PLEKHG7: variants seen among roughly 807,000 people sequenced by gnomAD.
The protein encoded by PLEKHG7 is pleckstrin homology domain-containing family G member 7.
In PLEKHG7, 77 loss-of-function variants were observed where a neutral mutation model predicts 85.2. That is an observed-to-expected ratio of 0.90 (90% CI 0.75 to 1.09). The LOEUF (loss-of-function observed/expected upper bound fraction) is 1.09, where lower values mean the gene tolerates loss of function less well. Among genes scored for constraint, PLEKHG7 ranks in the 50% least tolerant of loss-of-function variants. PLEKHG7 has a pLI of 0.00. For missense variants in PLEKHG7, 777 were observed against 804.3 expected (o/e 0.97, Z 0.41); for synonymous variants, 301 against 302.4 (o/e 1.00, Z 0.05).
At chr12:92,727,288 G>A (rs951594706) in intron 3 of PLEKHG7, among the ~76,000 whole-genome samples, 7 of 152,148 alleles carry the variant, frequency 4.6e-5, no homozygotes, top group Non-Finnish European at 1.0e-4. Flanking sequence ...AATTCAGAGA[G>A]TACATGTGCA....
chr12:92,707,767 G>T (rs1199451581), intron 3 of PLEKHG7, 95 bp downstream of exon 3: 1 of 1,587,466 alleles, frequency 6.3e-7, no homozygotes, highest in Admixed American at 1.7e-5. Context: ...AGCTGACGGT[G>T]TGTTAACCAG....
At chr12:92,752,944 G>A (rs1343906439) in intron 10 of PLEKHG7, among the ~76,000 whole-genome samples, 2 of 152,036 alleles carry the variant, frequency 1.3e-5, no homozygotes, top group African/African-American at 4.8e-5. Flanking sequence ...AGAGCTCTCC[G>A]GGACCCCTTT....
At position 92,721,351 on chromosome 12, in the gene PLEKHG7, A is replaced by T. The variant is rs1026161578; in HGVS notation, c.531-7642A>T. 6 of 683,806 alleles carry T rather than the reference A, an allele frequency of 8.8e-6. No homozygotes were observed. The South Asian group carries it at 2.2e-4, about 25-fold the overall frequency. The allele number at this position is 683,806 out of a possible 1,614,324, so 42.4% of individuals were successfully genotyped here. A position where few individuals can be genotyped will look rare whatever the true frequency, so the allele number is the denominator to read the frequency against. On this transcript the variant is annotated intron_variant, in intron 3 of 16. Transcript: ENST00000344636. ...TGCTCAGCAGTGGGGTTGGGGGGGA[A>T]TTCCCGGGATGCTCTGAATTGTTGC...
At chr12:92,768,954 C>A in intron 15 of PLEKHG7, 29 bp from the exon 16 acceptor site, 1 of 1,440,778 alleles carries the variant, frequency 6.9e-7, no homozygotes, top group Non-Finnish European at 9.5e-7. Flanking sequence ...AATGATTTGG[C>A]TTTTTGTCTT....
intron 1 of PLEKHG7, among the ~76,000 whole-genome samples, chr12:92,704,068 G>A (rs1871162601): frequency 6.6e-6 from 1 of 152,094 alleles, no homozygotes. Context: ...ATAATAGAAC[G>A]GCCCTGATTG....
rs147693822 is a variant in PLEKHG7, at chr12:92,770,090, A to G, written c.1971A>G (p.Lys657=). The part of the protein sequence containing the change: ...LLQAQTENIK[K]TWMAQITTAI... ...TATTTTTTTCTTTTTTTCAACAGAA[A>G]ACATGGATGGCACAAATAACAACTG... The change falls in exon 17 of 17, where the codon AAA becomes AAG. Residue 657 remains lysine (K), a splice_region_variant and synonymous_variant. Coordinates refer to ENST00000344636, the MANE Select transcript of PLEKHG7 (RefSeq NM_001377329.1). 3.2e-5 allele frequency: 51 copies of G among 1,580,938 alleles called. No homozygotes were observed. Among genetic ancestry groups the G allele is most frequent in the Admixed American group, 1.3e-4 (7 of 52,480 alleles).
At chr12:92,760,407 T>C (rs1183893997) in intron 13 of PLEKHG7, among the ~76,000 whole-genome samples, 1 of 152,090 alleles carries the variant, frequency 6.6e-6, no homozygotes, top group Non-Finnish European at 1.5e-5. Flanking sequence ...ATAGAAAAAA[T>C]CTTTTCTCTA....
At chr12:92,724,448 A>G (rs1197637576) in intron 3 of PLEKHG7, among the ~76,000 whole-genome samples, 1 of 152,224 alleles carries the variant, frequency 6.6e-6, no homozygotes, top group Non-Finnish European at 1.5e-5. Flanking sequence ...ACAGGACCGT[A>G]GAATGCTGAA....
Position 92,706,762 on chromosome 12 carries a change from G to T in PLEKHG7, c.131G>T (p.Arg44Leu). Reference protein sequence around the residue: ...LLQFDRQAPGRISTSPTLRRL... With the variant: ...LLQFDRQAPGLISTSPTLRRL... ...CAGTTTGACCGGCAAGCCCCAGGCC[G>T]CATCTCCACCTCGCCCACTTTGAGG... is the stretch of plus-strand genomic sequence containing the variant. The change falls in exon 2 of 17, where the codon CGC (arginine) becomes CTC (leucine). Residue 44 changes from arginine to leucine, a missense_variant. By Grantham distance (102) the Arg-to-Leu change is moderately radical. Coordinates refer to ENST00000344636, the MANE Select transcript of PLEKHG7 (RefSeq NM_001377329.1). 6.2e-7 allele frequency: 1 copy of T among 1,614,040 alleles called. No individual in the cohort carries two copies. The highest frequency in any genetic ancestry group is 8.5e-7 in the Non-Finnish European group (1 of 1,180,020).
intron 10 of PLEKHG7, among the ~76,000 whole-genome samples, chr12:92,751,154 T>C (rs945893526): frequency 2.0e-5 from 3 of 152,224 alleles, no homozygotes; most frequent in Non-Finnish European, 4.4e-5. Flanking sequence ...CAGAGCATTG[T>C]AGAAGATTGA....
At position 92,729,140 on chromosome 12, in the gene PLEKHG7, C is replaced by T; in HGVS notation, c.658+20C>T. ...ATTCAGGTTCTGTTCATTCAGTATA[C>T]TTTCATTCCATGCCCACTGTGGAAC... On this transcript the variant is annotated intron_variant, in intron 4 of 16. Transcript: ENST00000344636. The T allele has an allele frequency of 8.1e-7, 1 of 1,231,580 alleles. No homozygotes were observed. The highest frequency in any genetic ancestry group is 1.0e-6 in the Non-Finnish European group (1 of 987,648). 76.3% of individuals were successfully genotyped at this position (1,231,580 alleles called of 1,614,324 possible). A position where few individuals can be genotyped will look rare whatever the true frequency, so the allele number is the denominator to read the frequency against.
At position 92,706,527 on chromosome 12, in the gene PLEKHG7, G is replaced by T. The variant is rs1381662060; in HGVS notation, c.-105G>T. 26 of 1,363,556 alleles carry T rather than the reference G, an allele frequency of 1.9e-5. No homozygotes were observed. Among genetic ancestry groups the T allele is most frequent in the Non-Finnish European group, 2.5e-5 (25 of 1,011,924 alleles). The allele number at this position is 1,363,556 out of a possible 1,614,324, so 84.5% of individuals were successfully genotyped here. On this transcript the variant is annotated 5_prime_UTR_variant, in exon 2 of 17. Coordinates refer to ENST00000344636, the MANE Select transcript of PLEKHG7 (RefSeq NM_001377329.1). ...AAAAGGAAAAGAACTACGAGAGGAA[G>T]CATGGCACTTGGATGCAGAAATTGA... is the stretch of plus-strand genomic sequence containing the variant.
At chr12:92,758,723 T>C (rs561195204) in intron 13 of PLEKHG7, among the ~76,000 whole-genome samples, 82 of 152,338 alleles carry the variant, frequency 5.4e-4, no homozygotes, top group African/African-American at 1.9e-3. Flanking sequence ...GCATATGCTG[T>C]ATTAGTCAAA....
At chr12:92,706,196 G>GAAACCTT (rs1871223626) in intron 1 of PLEKHG7, among the ~76,000 whole-genome samples, 2 of 152,136 alleles carry the variant, frequency 1.3e-5, no homozygotes, top group Non-Finnish European at 2.9e-5. Context: ...TGGTTTCCAG[G>GAAACCTT]AAGTACCTTA....
intron 14 of PLEKHG7, 91 bp from the exon 15 acceptor site, chr12:92,763,950 T>C (rs1441495004): frequency 1.8e-6 from 2 of 1,110,564 alleles, no homozygotes; most frequent in Non-Finnish European, 2.5e-6. Context: ...GGCAATTGTT[T>C]CTCAGAATCT....
At chr12:92,716,858 G>A (rs748670481) in intron 3 of PLEKHG7, among the ~76,000 whole-genome samples, 2 of 152,198 alleles carry the variant, frequency 1.3e-5, no homozygotes, top group Non-Finnish European at 2.9e-5. Flanking sequence ...CCAGTACCCA[G>A]AAAGAGTCTA....
At chr12:92,756,801 G>C (rs1480874453) in intron 13 of PLEKHG7, among the ~76,000 whole-genome samples, 1 of 152,164 alleles carries the variant, frequency 6.6e-6, no homozygotes, top group Non-Finnish European at 1.5e-5. Context: ...GTTGTGCTAG[G>C]TAGGTACTAT....
intron 10 of PLEKHG7, among the ~76,000 whole-genome samples, chr12:92,752,825 G>A (rs1486639000): frequency 6.6e-6 from 1 of 152,196 alleles, no homozygotes; most frequent in African/African-American, 2.4e-5. Context: ...CAGTTCTGGA[G>A]GCTGAAAGTC....
Position 92,761,674 on chromosome 12 carries a change from GAAAGAAA to G in PLEKHG7, c.1637-77_1637-71del, listed in dbSNP as rs1565797689. On this transcript the variant is annotated intron_variant, in intron 13 of 16. Coordinates refer to ENST00000344636, the MANE Select transcript of PLEKHG7 (RefSeq NM_001377329.1). Reference sequence around the variant, plus strand: ...AGAAAGAAAGAAAGAAAGAAAGAAAGAAAGAAAGAAAGGGAAAGAAAAACTCTTCTAC... The same window carrying G: ...AGAAAGAAAGAAAGAAAGAAAGAAAGGAAAGGGAAAGAAAAACTCTTCTAC... The G allele has an allele frequency of 4.7e-6, 6 of 1,268,048 alleles. No individual in the cohort carries two copies. The African/African-American group carries it at 1.1e-4, about 22-fold the overall frequency. 78.5% of individuals were successfully genotyped at this position (1,268,048 alleles called of 1,614,324 possible).
Sources: gnomAD v4.1 joint callset for allele counts (sites outside exome capture counted in the v4.1 genomes callset) on GRCh38, gnomAD v4.1.1 for gene constraint, MANE v1.5 for transcripts, NCBI Gene and HGNC (gene_info 2026-07-23, HGNC 2026-07-21) for gene names.